Variants in RUNX3 observed in about 807,000 individuals in gnomAD.
The protein encoded by RUNX3 is runt-related transcription factor 3.
Under a neutral mutation model 27.7 loss-of-function variants are expected in RUNX3, and 10 were observed. The ratio of observed to expected loss-of-function variants is 0.36; its 90% CI spans 0.22 to 0.61. The LOEUF (loss-of-function observed/expected upper bound fraction) is 0.61. Ranked by LOEUF, RUNX3 falls within the 20% of genes least tolerant of loss-of-function variation. The pLI is 0.72. For synonymous variants in RUNX3, 270 were observed against 269.2 expected (o/e 1.00, Z -0.03); for missense variants, 469 against 629.5 (o/e 0.75, Z 2.73).
Position 24,927,756 on chromosome 1 carries a change from AG to A in RUNX3, c.283-27del, listed in dbSNP as rs760138729. ...CTGAAGACACGGGGCGGGGGGATGC[AG>A]GGGGACAGCTTAGAAAGGAAGAGGG... On this transcript the variant is annotated intron_variant, in intron 1 of 4. Coordinates refer to ENST00000308873, the MANE Select transcript of RUNX3 (RefSeq NM_004350.3). The surrounding 1 kb of genome is among the most constrained non-coding windows in gnomAD (Gnocchi z 5.0). The A allele has an allele frequency of 7.9e-6, 12 of 1,525,876 alleles. No individual in the cohort carries two copies. The highest frequency in any genetic ancestry group is 3.5e-4 in the Middle Eastern group (2 of 5,654). The allele number at this position is 1,525,876 out of a possible 1,614,324, so 94.5% of individuals were successfully genotyped here.
rs1571376980 is a variant in RUNX3, at chr1:24,962,852, C to T, written c.58+1662G>A. ...CAGCCCAGGCCGACCGGGGCTCTAGCCCTGTCTCCCAAGGTTCCTTTGTTT... is the reference window on the plus strand; with the variant it reads ...CAGCCCAGGCCGACCGGGGCTCTAGTCCTGTCTCCCAAGGTTCCTTTGTTT... On this transcript the variant is annotated intron_variant, in intron 2 of 6. Coordinates refer to the RUNX3 transcript ENST00000338888. The surrounding 1 kb of genome is among the most constrained non-coding windows in gnomAD (Gnocchi z 4.5). 6.6e-6 allele frequency: 1 copy of T among 152,386 alleles called. No homozygotes were observed. Among genetic ancestry groups the T allele is most frequent in the African/African-American group, 2.4e-5 (1 of 41,578 alleles). The allele number at this position is 152,386 out of a possible 1,614,324, so 9.4% of individuals were successfully genotyped here. A position where few individuals can be genotyped will look rare whatever the true frequency, so the allele number is the denominator to read the frequency against.
chr1:24,941,890 C>T (rs1192256360), intron 2 of RUNX3, among the ~76,000 whole-genome samples: 3 of 152,218 alleles, frequency 2.0e-5, no homozygotes, highest in Admixed American at 1.3e-4. Flanking sequence ...AGGTGACAGG[C>T]TCAGACACTG....
chr1:24,928,769 C>T (rs1348535087), intron 1 of RUNX3: 2 of 238,702 alleles, frequency 8.4e-6, no homozygotes, highest in Non-Finnish European at 1.7e-5. Flanking sequence ...TCCTTTTTTT[C>T]CCATTTAGAG....
At chr1:24,937,929 C>A (rs532234447) in intron 2 of RUNX3, among the ~76,000 whole-genome samples, 33 of 152,224 alleles carry the variant, frequency 2.2e-4, no homozygotes, top group Admixed American at 1.9e-3. Context: ...CCCCCTCCCC[C>A]ACAGCTCTCC....
intron 1 of RUNX3, chr1:24,964,684 G>A (rs1294547822): frequency 6.8e-7 from 1 of 1,466,208 alleles, no homozygotes; most frequent in East Asian, 2.5e-5. Context: ...GAAAATAAAA[G>A]GGGGGGGTGT....
Position 24,909,175 on chromosome 1 carries a change from A to G in RUNX3, c.545-1758T>C, listed in dbSNP as rs76126286. Among the ~76,000 whole-genome samples the G allele has an allele frequency of 6.1e-3, 934 of 152,260 alleles. 12 individuals are homozygous for G. The highest frequency in any genetic ancestry group is 0.021 in the African/African-American group (890 of 41,544). ...GGCCGAGGGACACTTCTGGAGTGATATCAAGCTTGCAGGGACCTCCCCCGC... is the reference window on the plus strand; with the variant it reads ...GGCCGAGGGACACTTCTGGAGTGATGTCAAGCTTGCAGGGACCTCCCCCGC... On this transcript the variant is annotated intron_variant, in intron 3 of 4. Coordinates refer to ENST00000308873, the MANE Select transcript of RUNX3 (RefSeq NM_004350.3).
chr1:24,907,492 G>A, intron 3 of RUNX3, 75 bp from the exon 4 acceptor site: 1 of 1,459,570 alleles, frequency 6.9e-7, no homozygotes. Context: ...TCACTCTGCT[G>A]GGAAGTTCTT....
At chr1:24,963,290 G>A (rs540310002) in intron 2 of RUNX3, among the ~76,000 whole-genome samples, 13 of 152,322 alleles carry the variant, frequency 8.5e-5, no homozygotes, top group Non-Finnish European at 1.9e-4. Flanking sequence ...GCCCCGAGCC[G>A]GCCACCCAGG....
At chr1:24,951,509 G>T (rs1251776988) in intron 2 of RUNX3, among the ~76,000 whole-genome samples, 1 of 152,206 alleles carries the variant, frequency 6.6e-6, no homozygotes, top group Non-Finnish European at 1.5e-5. Flanking sequence ...CTGAAGCCCA[G>T]AGGAGGCAAT....
intron 2 of RUNX3, among the ~76,000 whole-genome samples, chr1:24,922,782 C>CAA (rs57671911): frequency 8.1e-3 from 172 of 21,334 alleles, no homozygotes; most frequent in East Asian, 0.014. Flanking sequence ...GCCCACAGGG[C>CAA]AAAAAAAAAA....
In RUNX3 at chr1:24,908,009, A is replaced by AACACGCGGTGATCCGAACCTCAACC. The variant is rs1477640033; in HGVS notation, c.545-617_545-593dup. ...AACACGCGGTGATCTAAACCTCTAC[A>AACACGCGGTGATCCGAACCTCAACC]ACACGCGGTGATCCGAACCTCAACC... On this transcript the variant is annotated intron_variant, in intron 3 of 4. Coordinates refer to ENST00000308873, the MANE Select transcript of RUNX3 (RefSeq NM_004350.3). Among the ~76,000 whole-genome samples the AACACGCGGTGATCCGAACCTCAACC allele has an allele frequency of 6.5e-5, 9 of 138,738 alleles. No individual in the cohort carries two copies. In the East Asian group the frequency reaches 6.7e-4, roughly 10 times the overall value. 91.0% of individuals were successfully genotyped at this position (138,738 alleles called of 152,430 possible).
upstream of RUNX3, among the ~76,000 whole-genome samples, chr1:24,934,177 G>T (rs1458210385): frequency 6.6e-6 from 1 of 152,232 alleles, no homozygotes; most frequent in East Asian, 1.9e-4. Context: ...CCTGATTTCA[G>T]ATAATGATCT....
chr1:24,934,114 G>T (rs767891307), upstream of RUNX3, among the ~76,000 whole-genome samples: 2 of 152,194 alleles, frequency 1.3e-5, no homozygotes, highest in Non-Finnish European at 2.9e-5. Flanking sequence ...ATGATCGATT[G>T]TTTGAAGAAA....
At chr1:24,909,773 G>A (rs1037189137) in intron 3 of RUNX3, among the ~76,000 whole-genome samples, 2 of 152,180 alleles carry the variant, frequency 1.3e-5, no homozygotes, top group Non-Finnish European at 2.9e-5. Flanking sequence ...AGGAAAGGAC[G>A]GCTCCCTTGG....
chr1:24,945,103 G>A (rs1641573882), intron 2 of RUNX3, among the ~76,000 whole-genome samples: 1 of 152,110 alleles, frequency 6.6e-6, no homozygotes, highest in South Asian at 2.1e-4. Flanking sequence ...TGCTTGCTTG[G>A]TGTTACATTC....
rs1202099160 is a variant in RUNX3 at position 24,926,013 on chromosome 1, T to C, written c.439+1561A>G. ...CTCAGAAAATCGTCGTCTCTTCTCT[T>C]TCTCTCGCTTCCCAGGAGAGAGAGT... On this transcript the variant is annotated intron_variant, in intron 2 of 4. Coordinates refer to ENST00000308873, the MANE Select transcript of RUNX3 (RefSeq NM_004350.3). Among the ~76,000 whole-genome samples, 4 of 152,290 alleles carry C rather than the reference T, an allele frequency of 2.6e-5. No individual in the cohort carries two copies. The South Asian group carries it at 8.3e-4, about 32-fold the overall frequency.
At position 24,904,083 on chromosome 1, in the gene RUNX3, C is replaced by T. The variant is rs578107738; in HGVS notation, c.704-1417G>A. On this transcript the variant is annotated intron_variant, in intron 4 of 4. Transcript: ENST00000308873. The surrounding 1 kb of genome is among the most constrained non-coding windows in gnomAD (Gnocchi z 5.7). ...GCCCTGGTGCAGGGCCTCCCTTCTA[C>T]TCTGGCAGCCGGGGGAGGTGGATGA... Among the ~76,000 whole-genome samples the T allele has an allele frequency of 2.7e-4, 41 of 152,264 alleles. No individual in the cohort carries two copies. Among genetic ancestry groups the T allele is most frequent in the African/African-American group, 9.6e-4 (40 of 41,546 alleles).
At chr1:24,964,462 C>T in intron 2 of RUNX3, 1 of 1,486,294 alleles carries the variant, frequency 6.7e-7, no homozygotes, top group Non-Finnish European at 9.2e-7. Flanking sequence ...GGGACGTGGT[C>T]CGGGGCCTGG....
At position 24,904,413 on chromosome 1, in the gene RUNX3, A is replaced by T. The variant is rs1212290228; in HGVS notation, c.704-1747T>A. Among the ~76,000 whole-genome samples the T allele has an allele frequency of 6.6e-6, 1 of 152,114 alleles. No individual in the cohort carries two copies. Among genetic ancestry groups the T allele is most frequent in the African/African-American group, 2.4e-5 (1 of 41,402 alleles). ...TAAGGTAAGAAGATGTGGGGACAGC[A>T]GTCTGGGTGGCGGGGGCCTTCTGGG... is the stretch of plus-strand genomic sequence containing the variant. On this transcript the variant is annotated intron_variant, in intron 4 of 4. Transcript: ENST00000308873. The surrounding 1 kb of genome is among the most constrained non-coding windows in gnomAD (Gnocchi z 5.7).
Sources: allele counts gnomAD v4.1 joint callset (sites outside exome capture counted in the v4.1 genomes callset), GRCh38; gene constraint gnomAD v4.1.1; non-coding constraint Gnocchi (gnomAD v3.1); transcripts MANE v1.5; gene names NCBI Gene and HGNC (gene_info 2026-07-23, HGNC 2026-07-21).